The following COL18A1 variants were observed in gnomAD, a reference collection of about 807,000 sequenced individuals.
COL18A1 encodes the protein collagen alpha-1(XVIII) chain.
In COL18A1, 133 loss-of-function variants were observed where a neutral mutation model predicts 168.0. The ratio of observed to expected loss-of-function variants is 0.79; its 90% CI spans 0.69 to 0.91. COL18A1 has a LOEUF of 0.91. COL18A1 is among the 40% of genes least tolerant of loss of function. COL18A1 has a pLI of 0.00. For missense variants in COL18A1, 2,126 were observed against 1,925.4 expected (o/e 1.10, Z -1.95); for synonymous variants, 949 against 809.0 (o/e 1.17, Z -2.94).
At chr21:45,504,229 C>T in intron 33 of COL18A1, 175 bp downstream of exon 33, 1 of 920,210 alleles carries the variant, frequency 1.1e-6, no homozygotes, top group Non-Finnish European at 1.7e-6. Context: ...GTCCCCGGCT[C>T]AGTTTTTGGG....
chr21:45,501,946 CTCA>C (rs2036879137), intron 32 of COL18A1, among the ~76,000 whole-genome samples: 3 of 87,440 alleles, frequency 3.4e-5, no homozygotes, highest in Non-Finnish European at 7.0e-5. Context: ...CAGAAGGACC[CTCA>C]GGGGCCTCCG....
At chr21:45,420,578 A>G (rs2033590514) in intron 2 of COL18A1, 1 of 152,142 alleles carries the variant, frequency 6.6e-6, no homozygotes, top group African/African-American at 2.4e-5. Flanking sequence ...TTGGGTCCCA[A>G]TTATATCTAG....
At chr21:45,417,117 ATG>A (rs2033471446) in intron 2 of COL18A1, among the ~76,000 whole-genome samples, 1 of 152,152 alleles carries the variant, frequency 6.6e-6, no homozygotes, top group East Asian at 1.9e-4. Context: ...TGTTTAGATA[ATG>A]TGTGTTTTGG....
At chr21:45,474,666 C>A (rs1211636090) in intron 4 of COL18A1, among the ~76,000 whole-genome samples, 1 of 21,460 alleles carries the variant, frequency 4.7e-5, no homozygotes, top group South Asian at 1.2e-3. Flanking sequence ...GCAGGGAATT[C>A]TCACTCAGGG....
chr21:45,480,017 G>T, intron 10 of COL18A1, 53 bp downstream of exon 10: 1 of 1,613,376 alleles, frequency 6.2e-7, no homozygotes, highest in Non-Finnish European at 8.5e-7. Flanking sequence ...CTTGGCTCAA[G>T]GTGGGGGCTG....
intron 6 of COL18A1, 92 bp from the exon 7 acceptor site, chr21:45,477,319 C>A: frequency 1.0e-6 from 1 of 981,694 alleles, no homozygotes; most frequent in South Asian, 1.4e-5. Context: ...GGACTGAAAG[C>A]GTTTGGGCTG....
At chr21:45,479,528 C>T (rs114220916) in intron 9 of COL18A1, among the ~76,000 whole-genome samples, 5,230 of 151,708 alleles carry the variant, frequency 0.034, 222 homozygotes, top group East Asian at 0.094. Flanking sequence ...GCACACCATA[C>T]ATGCACACTC....
chr21:45,456,451 C>CGT, intron 2 of COL18A1: 1 of 1,544,214 alleles, frequency 6.5e-7, no homozygotes, highest in Non-Finnish European at 8.8e-7. Context: ...GGGTCTCCCA[C>CGT]GTGGCTAACT....
Position 45,480,464 on chromosome 21 carries a change from C to T in COL18A1, c.1399-3C>T, listed in dbSNP as rs2145936373. The T allele has an allele frequency of 5.0e-6, 8 of 1,614,136 alleles. No homozygotes were observed. The highest frequency in any genetic ancestry group is 6.8e-6 in the Non-Finnish European group (8 of 1,180,018). ...AACGTGTCTCTCCGGCTCTTTTCCT[C>T]AGACCTTCATTGACATGGAGGGATC... On this transcript the variant is annotated splice_polypyrimidine_tract_variant and splice_region_variant and intron_variant, in intron 11 of 41. Coordinates refer to ENST00000651438, the MANE Select transcript of COL18A1 (RefSeq NM_001379500.1).
intron 2 of COL18A1, among the ~76,000 whole-genome samples, chr21:45,416,813 G>T (rs760662580): frequency 3.1e-4 from 47 of 152,040 alleles, no homozygotes; most frequent in Admixed American, 6.5e-4. Flanking sequence ...CAGCCCCAGC[G>T]CCTGCCCCTG....
chr21:45,488,246 C>G (rs117459652), intron 17 of COL18A1, among the ~76,000 whole-genome samples, 172 bp from the exon 18 acceptor site: 1 of 152,252 alleles, frequency 6.6e-6, no homozygotes, highest in African/African-American at 2.4e-5. Context: ...TAGGCAGAAA[C>G]TAATTGATTC....
chr21:45,436,473 C>T (rs1602375758), intron 2 of COL18A1, among the ~76,000 whole-genome samples: 1 of 152,294 alleles, frequency 6.6e-6, no homozygotes, highest in East Asian at 1.9e-4. Context: ...AGTGGAGATT[C>T]TACTTCCTGC....
At chr21:45,429,796 G>A (rs962795455) in intron 2 of COL18A1, among the ~76,000 whole-genome samples, 1 of 152,158 alleles carries the variant, frequency 6.6e-6, no homozygotes, top group African/African-American at 2.4e-5. Flanking sequence ...CCATGTGCAC[G>A]GGACCTGGGC....
At chr21:45,455,563 G>T (rs776380175) in intron 2 of COL18A1, 1 of 1,613,780 alleles carries the variant, frequency 6.2e-7, no homozygotes, top group Non-Finnish European at 8.5e-7. Flanking sequence ...GCCACATCCT[G>T]CTGCTGCTCT....
intron 3 of COL18A1, among the ~76,000 whole-genome samples, chr21:45,472,650 C>T (rs974621566): frequency 6.6e-6 from 1 of 152,096 alleles, no homozygotes; most frequent in Non-Finnish European, 1.5e-5. Flanking sequence ...CTGGACCCCA[C>T]GGTGCTGCCC....
chr21:45,511,174 G>C lies in COL18A1; in HGVS notation c.3757G>C (p.Gly1253Arg). 1.2e-6 allele frequency: 2 copies of C among 1,600,944 alleles called. 1 individual carries two copies. Among genetic ancestry groups the C allele is most frequent in the South Asian group, 2.3e-5 (2 of 88,724 alleles). ...FSGSEGPLKP[G>R]ARIFSFDGKD... ...AGGCTCTGAGGGTCCGCTGAAGCCC[G>C]GGGCACGCATCTTCTCCTTTGACGG... is the stretch of plus-strand genomic sequence containing the variant. The change falls in exon 41 of 42, where the codon GGG becomes CGG. Residue 1253 changes from glycine to arginine, a missense_variant. Gly to Arg is a moderately radical substitution (Grantham distance 125, BLOSUM62 -2). Transcript: ENST00000651438.
intron 2 of COL18A1, chr21:45,422,623 G>C (rs973717565): frequency 5.3e-6 from 2 of 377,780 alleles, no homozygotes; most frequent in African/African-American, 4.3e-5. Context: ...GGCTCTCCCA[G>C]CCGTCGGTTG....
intron 2 of COL18A1, among the ~76,000 whole-genome samples, chr21:45,432,369 G>C (rs2033987449): frequency 1.3e-5 from 2 of 152,230 alleles, no homozygotes; most frequent in African/African-American, 4.8e-5. Context: ...GGGTGATGTG[G>C]TCCATTGATT....
At chr21:45,461,556 A>G (rs145977911) in intron 2 of COL18A1, among the ~76,000 whole-genome samples, 97 of 152,214 alleles carry the variant, frequency 6.4e-4, no homozygotes, top group Non-Finnish European at 1.2e-3. Flanking sequence ...ATCTGCTGCA[A>G]TGCTGAAGAG....
Sources: gnomAD v4.1 joint callset for allele counts (sites outside exome capture counted in the v4.1 genomes callset) on GRCh38, gnomAD v4.1.1 for gene constraint, MANE v1.5 for transcripts, NCBI Gene and HGNC (gene_info 2026-07-23, HGNC 2026-07-21) for gene names.